CELF2: variants seen among roughly 807,000 people sequenced by gnomAD.
The protein encoded by CELF2 is CUG triplet repeat RNA-binding protein 2.
Under a neutral mutation model 62.6 loss-of-function variants are expected in CELF2, and 8 were observed. That is an observed-to-expected ratio of 0.13 (90% CI 0.07 to 0.23). The LOEUF (loss-of-function observed/expected upper bound fraction) is 0.23, where lower values mean the gene tolerates loss of function less well. Ranked by LOEUF, CELF2 falls within the 10% of genes least tolerant of loss-of-function variation. CELF2 has a pLI of 1.00. For missense variants in CELF2, 333 were observed against 671.0 expected (o/e 0.50, Z 5.56); for synonymous variants, 258 against 250.0 (o/e 1.03, Z -0.30).
In CELF2 at chr10:11,079,768, A is replaced by G. The variant is rs2073423179; in HGVS notation, c.74+61605A>G. ...CCCCCCCCCCTTTTTAGGCCATGGA[A>G]TCTAGCAATTCAAGATGAAAAGAGA... On this transcript the variant is annotated intron_variant, in intron 1 of 12. Transcript: ENST00000633077. Among the ~76,000 whole-genome samples the G allele has an allele frequency of 2.2e-5, 3 of 136,216 alleles. No homozygotes were observed. The South Asian group carries it at 8.2e-4, about 37-fold the overall frequency. 89.4% of individuals were successfully genotyped at this position (136,216 alleles called of 152,430 possible). A position where few individuals can be genotyped will look rare whatever the true frequency, so the allele number is the denominator to read the frequency against.
the CELF2 span, among the ~76,000 whole-genome samples, chr10:10,783,910 C>T: frequency 4.6e-5 from 7 of 152,112 alleles, no homozygotes; most frequent in Non-Finnish European, 1.0e-4. Context: ...ATTGCTTAAA[C>T]CTGGGAGGCA....
Position 11,329,215 on chromosome 10 carries a change from C to A in CELF2, c.*162C>A. ...AGGCCTCCATGTCCCCACCCACTTC[C>A]CCTACCCAGTTTGCCATAATTAAAA... On this transcript the variant is annotated 3_prime_UTR_variant, in exon 13 of 13. Coordinates refer to ENST00000633077, the MANE Select transcript of CELF2 (RefSeq NM_001326342.2). The surrounding 1 kb of genome is among the most constrained non-coding windows in gnomAD (Gnocchi z 5.5). 1 of 567,028 alleles carries A rather than the reference C, an allele frequency of 1.8e-6. No homozygotes were observed. The highest frequency in any genetic ancestry group is 2.8e-6 in the Non-Finnish European group (1 of 357,728). 35.1% of individuals were successfully genotyped at this position (567,028 alleles called of 1,614,324 possible).
At position 11,211,953 on chromosome 10, in the gene CELF2, G is replaced by A. The variant is rs765980524; in HGVS notation, c.272-5472G>A. On this transcript the variant is annotated intron_variant, in intron 2 of 12. Transcript: ENST00000633077. The surrounding 1 kb of genome is among the most constrained non-coding windows in gnomAD (Gnocchi z 4.8). ...ACAGTTAAGCAGGCAAAATACCTGA[G>A]GGAACTCTTCATGACAGCAGAAACT... Among the ~76,000 whole-genome samples, 1 of 151,960 alleles carries A rather than the reference G, an allele frequency of 6.6e-6. No homozygotes were observed. The highest frequency in any genetic ancestry group is 1.5e-5 in the Non-Finnish European group (1 of 67,996).
chr10:10,555,471 G>A, the CELF2 span, among the ~76,000 whole-genome samples: 1 of 152,090 alleles, frequency 6.6e-6, no homozygotes, highest in Non-Finnish European at 1.5e-5. Context: ...ATAAGATACT[G>A]GCAAACCCAA....
At chr10:11,080,062 G>A (rs1042153885) in intron 1 of CELF2, among the ~76,000 whole-genome samples, 2 of 152,184 alleles carry the variant, frequency 1.3e-5, no homozygotes, top group African/African-American at 2.4e-5. Context: ...AGTCATTAAG[G>A]TAGAGAGGAA....
intron 2 of CELF2, among the ~76,000 whole-genome samples, chr10:11,197,385 C>T (rs1243006402): frequency 1.3e-5 from 2 of 152,202 alleles, no homozygotes; most frequent in Admixed American, 1.3e-4. Flanking sequence ...AAGTAGCATC[C>T]AGTTTCATCT....
chr10:10,550,094 A>C, the CELF2 span, among the ~76,000 whole-genome samples: 1 of 152,258 alleles, frequency 6.6e-6, no homozygotes, highest in East Asian at 1.9e-4. Context: ...ATAGCCTACT[A>C]TTGACCAGAA....
chr10:10,644,515 G>A, the CELF2 span, among the ~76,000 whole-genome samples: 3 of 152,064 alleles, frequency 2.0e-5, no homozygotes, highest in East Asian at 3.9e-4. Context: ...AGCCCAGCAG[G>A]CACGTCACAC....
intron 2 of CELF2, chr10:10,922,815 T>G (rs2065047916): frequency 6.6e-6 from 1 of 152,244 alleles, no homozygotes. Context: ...AGAAGTAATA[T>G]ATCAGTGATT....
At chr10:10,725,795 G>C in the CELF2 span, among the ~76,000 whole-genome samples, 1 of 151,846 alleles carries the variant, frequency 6.6e-6, no homozygotes, top group African/African-American at 2.4e-5. Context: ...ATACCATTCA[G>C]TGCTCCAGTT....
At chr10:10,765,498 C>T in the CELF2 span, among the ~76,000 whole-genome samples, 20 of 152,258 alleles carry the variant, frequency 1.3e-4, no homozygotes, top group South Asian at 2.1e-4. Flanking sequence ...TGTGCCCTTG[C>T]GTTGTATTGA....
the CELF2 span, among the ~76,000 whole-genome samples, chr10:10,760,408 A>G: frequency 2.6e-5 from 4 of 152,342 alleles, no homozygotes; most frequent in African/African-American, 9.6e-5. Context: ...TGGTTGTAGC[A>G]AGAGCCAGCC....
chr10:10,837,334 G>T (rs1278925833), intron 1 of CELF2, among the ~76,000 whole-genome samples: 9 of 152,144 alleles, frequency 5.9e-5, no homozygotes, highest in Admixed American at 5.9e-4. Context: ...TGTAAGACAT[G>T]CCTTTCACCT....
chr10:11,314,340 AC>A lies in CELF2; in HGVS notation c.1096+85del. The A allele has an allele frequency of 6.3e-7, 1 of 1,594,374 alleles. No homozygotes were observed. The highest frequency in any genetic ancestry group is 8.6e-7 in the Non-Finnish European group (1 of 1,162,666). ...CACAGAAAGTGGTCAGCCAGAAATGACCCGAAAAAGGATATGCCACGGGGAG... is the reference window on the plus strand; with the variant it reads ...CACAGAAAGTGGTCAGCCAGAAATGACCGAAAAAGGATATGCCACGGGGAG... On this transcript the variant is annotated intron_variant, in intron 10 of 12. Transcript: ENST00000633077. This position sits in a 1 kb window ranked among gnomAD's most constrained non-coding sequence, Gnocchi z 5.3.
the CELF2 span, among the ~76,000 whole-genome samples, chr10:10,543,393 C>T: frequency 3.9e-5 from 6 of 152,164 alleles, no homozygotes; most frequent in Non-Finnish European, 5.9e-5. Flanking sequence ...ATCCCATAGA[C>T]GAGGTCCTTT....
At chr10:10,713,165 T>C in the CELF2 span, among the ~76,000 whole-genome samples, 1 of 152,364 alleles carries the variant, frequency 6.6e-6, no homozygotes, top group Middle Eastern at 3.4e-3. Context: ...CCCAATGGTC[T>C]TTCCTCAAAA....
chr10:10,777,233 TG>T, the CELF2 span, among the ~76,000 whole-genome samples: 2 of 152,150 alleles, frequency 1.3e-5, no homozygotes, highest in Non-Finnish European at 2.9e-5. Flanking sequence ...ATCCCCACAT[TG>T]TCACCTCCAT....
the CELF2 span, among the ~76,000 whole-genome samples, chr10:10,607,215 A>G: frequency 6.6e-6 from 1 of 152,176 alleles, no homozygotes; most frequent in Non-Finnish European, 1.5e-5. Context: ...GAAATGAATA[A>G]TGTAACTGCT....
At chr10:10,695,621 C>G in the CELF2 span, among the ~76,000 whole-genome samples, 3 of 152,016 alleles carry the variant, frequency 2.0e-5, no homozygotes, top group Non-Finnish European at 2.9e-5. Flanking sequence ...TGGTTCCATT[C>G]TCCCAATCAC....
Sources: gnomAD v4.1 joint callset for allele counts (sites outside exome capture counted in the v4.1 genomes callset) on GRCh38, gnomAD v4.1.1 for gene constraint, Gnocchi (gnomAD v3.1) non-coding constraint, MANE v1.5 for transcripts, NCBI Gene and HGNC (gene_info 2026-07-23, HGNC 2026-07-21) for gene names.